Variants in ADSL observed in about 807,000 individuals in gnomAD.
ADSL encodes adenylosuccinase.
A neutral mutation model predicts 62.1 loss-of-function variants in ADSL; 44 were observed. That is an observed-to-expected ratio of 0.71 (90% CI 0.56 to 0.91). The LOEUF is 0.91. Ranked by LOEUF, ADSL falls within the 40% of genes least tolerant of loss-of-function variation. The pLI is 0.00. For missense variants in ADSL, 531 were observed against 627.4 expected (o/e 0.85, Z 1.64); for synonymous variants, 198 against 220.5 (o/e 0.90, Z 0.90).
Position 40,364,982 on chromosome 22 carries a change from T to G in ADSL, c.1294T>G (p.Tyr432Asp). 6.2e-7 allele frequency: 1 copy of G among 1,614,126 alleles called. No homozygotes were observed. The highest frequency in any genetic ancestry group is 8.5e-7 in the Non-Finnish European group (1 of 1,179,962). The part of the protein sequence containing the change: ...DLIERIQVDA[Y>D]FSPIHSQLDH... The stretch of plus-strand genomic sequence containing the variant: ...CATAGAGCGTATCCAGGTTGATGCC[T>G]ACTTCAGTCCCATTCACTCCCAGTT... The change falls in exon 12 of 13, where the codon TAC becomes GAC. Residue 432 changes from tyrosine to aspartate, a missense_variant. This residue lies in a region of ADSL where 471 missense variants were observed against 592.9 expected (regional missense o/e 0.79). Coordinates refer to ENST00000623063, the MANE Select transcript of ADSL (RefSeq NM_000026.4).
chr22:40,361,271 A>AGATG lies in ADSL; in HGVS notation c.794_795insGGAT. On this transcript the variant is annotated splice_acceptor_variant, in intron 7 of 12. Transcript: ENST00000623063. LOFTEE classifies it high-confidence loss of function. ...TGATGCTTATTCCCCTACCTCCCCC[A>AGATG]GATTTGCACCGACATACGCCTCCTG... 6.2e-7 allele frequency: 1 copy of AGATG among 1,614,062 alleles called. No homozygotes were observed. Among genetic ancestry groups the AGATG allele is most frequent in the Non-Finnish European group, 8.5e-7 (1 of 1,179,962 alleles).
In ADSL at chr22:40,356,491, C is replaced by T. The variant is rs190759230; in HGVS notation, c.482+2164C>T. Among the ~76,000 whole-genome samples the T allele has an allele frequency of 9.0e-3, 1,332 of 148,100 alleles. 7 individuals are homozygous for T. Among genetic ancestry groups the T allele is most frequent in the Non-Finnish European group, 0.015 (998 of 67,322 alleles). The stretch of plus-strand genomic sequence containing the variant: ...CAGAGGTTGCAGTGAGCCAAGATCG[C>T]GCCGCTGCACTCCAGCCTGGGCGAC... On this transcript the variant is annotated intron_variant, in intron 4 of 12. Transcript: ENST00000623063.
chr22:40,376,292 T>C (rs562535041), intron 2 of ADSL: 1 of 148,332 alleles, frequency 6.7e-6, no homozygotes, highest in Non-Finnish European at 1.5e-5. Flanking sequence ...CTTGCTTGTC[T>C]GCTTGCTTGA....
chr22:40,376,063 A>G (rs1205517652), intron 2 of ADSL, among the ~76,000 whole-genome samples: 2 of 152,044 alleles, frequency 1.3e-5, no homozygotes, highest in Non-Finnish European at 2.9e-5. Flanking sequence ...CTGGAAAAAA[A>G]AAAACAAGAT....
intron 12 of ADSL, among the ~76,000 whole-genome samples, chr22:40,365,615 A>G (rs140622444): frequency 6.6e-6 from 1 of 152,248 alleles, no homozygotes; most frequent in Non-Finnish European, 1.5e-5. Flanking sequence ...CACACCAGTA[A>G]TCCTAGCATT....
At chr22:40,381,157 C>CT (rs950258395) in intron 2 of ADSL, among the ~76,000 whole-genome samples, 11 of 149,926 alleles carry the variant, frequency 7.3e-5, no homozygotes, top group Non-Finnish European at 1.2e-4. Context: ...TTTTCTTTTT[C>CT]TTTTTTTTGA....
intron 2 of ADSL, among the ~76,000 whole-genome samples, chr22:40,375,939 G>A (rs1214323228): frequency 6.6e-6 from 1 of 151,670 alleles, no homozygotes; most frequent in African/African-American, 2.4e-5. Flanking sequence ...TACTCAGGAT[G>A]CTGAGGCAAG....
downstream of ADSL, among the ~76,000 whole-genome samples, chr22:40,373,841 C>T (rs2046040925): frequency 1.3e-5 from 2 of 152,204 alleles, no homozygotes; most frequent in South Asian, 4.1e-4. Context: ...GTCTCCATCT[C>T]TTGACCTCGT....
intron 3 of ADSL, chr22:40,353,700 A>T (rs1211089155): frequency 7.6e-6 from 2 of 262,228 alleles, no homozygotes; most frequent in African/African-American, 5.6e-5. Flanking sequence ...GTCTCAGCTC[A>T]CTGCAAGCTC....
chr22:40,366,538 A>G lies in ADSL; in HGVS notation c.*16A>G, dbSNP rs757214820. On this transcript the variant is annotated 3_prime_UTR_variant, in exon 13 of 13. Coordinates refer to ENST00000623063, the MANE Select transcript of ADSL (RefSeq NM_000026.4). ...ATGTCTGTAGAGTTGGAAGAGAATT[A>G]AACGAAAATCATTGTTAATTGCTGA... The G allele has an allele frequency of 5.7e-6, 9 of 1,573,366 alleles. No homozygotes were observed. The highest frequency in any genetic ancestry group is 7.0e-6 in the Non-Finnish European group (8 of 1,143,060).
chr22:40,372,285 C>G (rs1339021108), downstream of ADSL, among the ~76,000 whole-genome samples: 1 of 151,968 alleles, frequency 6.6e-6, no homozygotes, highest in East Asian at 1.9e-4. Flanking sequence ...CGCCACCACA[C>G]CCGGATAATT....
At chr22:40,366,090 C>T (rs890874795) in intron 12 of ADSL, among the ~76,000 whole-genome samples, 1 of 151,202 alleles carries the variant, frequency 6.6e-6, no homozygotes, top group African/African-American at 2.4e-5. Context: ...AGACACAGAC[C>T]GGGGAGGGAG....
intron 10 of ADSL, 120 bp downstream of exon 10, chr22:40,363,191 G>A (rs1291796005): frequency 1.1e-6 from 1 of 903,724 alleles, no homozygotes; most frequent in Admixed American, 1.9e-5. Context: ...TCCCACCCGA[G>A]CTCATCCTTC....
Position 40,365,012 on chromosome 22 carries a change from CA to C in ADSL, c.1325del (p.His442LeufsTer20). 1 of 1,614,088 alleles carries C rather than the reference CA, an allele frequency of 6.2e-7. No homozygotes were observed. The highest frequency in any genetic ancestry group is 8.5e-7 in the Non-Finnish European group (1 of 1,179,958). On this transcript the variant is annotated frameshift_variant, in exon 12 of 13. Coordinates refer to ENST00000623063, the MANE Select transcript of ADSL (RefSeq NM_000026.4). LOFTEE classifies it high-confidence loss of function. ...YFSPIHSQLDHLLDPSSFTGR... is the reference protein window; with the variant it reads ...YFSPIHSQLDXLLDPSSFTGR... ...CAGTCCCATTCACTCCCAGTTGGATCATTTACTGGATCCTTCTTCTTTCACT... is the reference window on the plus strand; with the variant it reads ...CAGTCCCATTCACTCCCAGTTGGATCTTTACTGGATCCTTCTTCTTTCACT...
chr22:40,350,156 G>A (rs1428764255), intron 2 of ADSL, 121 bp downstream of exon 2: 11 of 869,296 alleles, frequency 1.3e-5, no homozygotes, highest in South Asian at 1.1e-4. Context: ...TTGAGGCAGA[G>A]TCTCCCTCTG....
intron 9 of ADSL, among the ~76,000 whole-genome samples, chr22:40,362,122 AT>A (rs1425592486): frequency 1.3e-5 from 2 of 152,204 alleles, no homozygotes; most frequent in Non-Finnish European, 2.9e-5. Flanking sequence ...TCTAGGCACA[AT>A]GACATCTTGA....
intron 2 of ADSL, 71 bp downstream of exon 2, chr22:40,350,106 T>G: frequency 6.9e-7 from 1 of 1,445,966 alleles, no homozygotes; most frequent in Non-Finnish European, 9.7e-7. Context: ...TTTGATGTTG[T>G]CCAGTTGAGG....
chr22:40,373,988 G>T (rs922676368), downstream of ADSL, among the ~76,000 whole-genome samples: 1 of 148,914 alleles, frequency 6.7e-6, no homozygotes, highest in Non-Finnish European at 1.5e-5. Context: ...TCCCTCTGTC[G>T]CCCAGGCTTG....
intron 2 of ADSL, among the ~76,000 whole-genome samples, chr22:40,384,674 G>A (rs571363300): frequency 1.3e-5 from 2 of 152,280 alleles, no homozygotes; most frequent in African/African-American, 2.4e-5. Flanking sequence ...CAGCTACTCA[G>A]GAGGCTAAGG....
Sources: allele counts gnomAD v4.1 joint callset (sites outside exome capture counted in the v4.1 genomes callset), GRCh38; gene constraint gnomAD v4.1.1; regional missense constraint gnomAD v4.1.1; transcripts MANE v1.5; gene names NCBI Gene and HGNC (gene_info 2026-07-23, HGNC 2026-07-21).